Variants in XRCC4 observed in about 807,000 individuals in gnomAD.
XRCC4 encodes the protein X-ray repair cross complementing 4.
Under a neutral mutation model 39.1 loss-of-function variants are expected in XRCC4, and 28 were observed. That is an observed-to-expected ratio of 0.72 (90% CI 0.53 to 0.98). The LOEUF (loss-of-function observed/expected upper bound fraction) is 0.98, where lower values mean the gene tolerates loss of function less well. Among genes scored for constraint, XRCC4 ranks in the 50% least tolerant of loss-of-function variants. The pLI is 0.00. For missense variants in XRCC4, 350 were observed against 376.4 expected (o/e 0.93, Z 0.58); for synonymous variants, 123 against 126.4 (o/e 0.97, Z 0.18).
intron 6 of XRCC4, among the ~76,000 whole-genome samples, chr5:83,205,409 A>T (rs1340026652): frequency 6.6e-6 from 1 of 151,776 alleles, no homozygotes; most frequent in Non-Finnish European, 1.5e-5. Context: ...AGAAGGGGAA[A>T]AATGGCAGTT....
At chr5:83,173,372 C>T (rs1275232316) in intron 3 of XRCC4, among the ~76,000 whole-genome samples, 1 of 152,102 alleles carries the variant, frequency 6.6e-6, no homozygotes, top group East Asian at 1.9e-4. Context: ...AATGAATACT[C>T]TTTTATAACA....
chr5:83,359,780 C>G, the XRCC4 span, among the ~76,000 whole-genome samples: 1 of 152,084 alleles, frequency 6.6e-6, no homozygotes, highest in Admixed American at 6.6e-5. Context: ...AAGAATATTT[C>G]AGAAGACCTT....
chr5:83,235,339 A>G (rs1243690000), intron 6 of XRCC4, among the ~76,000 whole-genome samples: 1 of 150,722 alleles, frequency 6.6e-6, no homozygotes, highest in African/African-American at 2.4e-5. Context: ...TATCTCAAAA[A>G]AAAAAAAAAA....
intron 3 of XRCC4, among the ~76,000 whole-genome samples, chr5:83,189,839 C>T (rs1370800534): frequency 2.0e-5 from 3 of 152,076 alleles, no homozygotes; most frequent in Non-Finnish European, 4.4e-5. Context: ...CCAAGGCAGG[C>T]ATATCAATTT....
At chr5:83,105,933 T>G (rs1048280212) in intron 2 of XRCC4, among the ~76,000 whole-genome samples, 2 of 152,126 alleles carry the variant, frequency 1.3e-5, no homozygotes, top group Admixed American at 6.6e-5. Flanking sequence ...AAAATTTTGT[T>G]TCTTTCTTGA....
intron 7 of XRCC4, among the ~76,000 whole-genome samples, chr5:83,293,531 T>A (rs1229243746): frequency 1.3e-5 from 2 of 152,036 alleles, no homozygotes; most frequent in Non-Finnish European, 2.9e-5. Context: ...AAAAGTTACC[T>A]CTTCTAATCA....
At chr5:83,113,057 T>C (rs762220757) in intron 3 of XRCC4, among the ~76,000 whole-genome samples, 23 of 152,196 alleles carry the variant, frequency 1.5e-4, no homozygotes, top group Non-Finnish European at 2.6e-4. Context: ...AAGTCTCATC[T>C]GAGACAAGGC....
chr5:83,110,930 G>T, intron 2 of XRCC4, 98 bp from the exon 3 acceptor site: 1 of 1,150,432 alleles, frequency 8.7e-7, no homozygotes, highest in Non-Finnish European at 1.2e-6. Context: ...TTGAATTTCT[G>T]TTACATGTGA....
chr5:83,140,191 A>G (rs377145149), intron 3 of XRCC4, among the ~76,000 whole-genome samples: 1 of 152,234 alleles, frequency 6.6e-6, no homozygotes, highest in East Asian at 1.9e-4. Flanking sequence ...AAGTCCCACG[A>G]CAGGGCGTCT....
At chr5:83,325,649 T>C (rs1175856143) in intron 7 of XRCC4, among the ~76,000 whole-genome samples, 1 of 152,202 alleles carries the variant, frequency 6.6e-6, no homozygotes, top group East Asian at 1.9e-4. Flanking sequence ...CTCATTCTTT[T>C]TTGCGACTGC....
intron 3 of XRCC4, among the ~76,000 whole-genome samples, chr5:83,127,340 G>C (rs1395836489): frequency 6.6e-6 from 1 of 152,082 alleles, no homozygotes. Context: ...GGAGGGACCT[G>C]GTAGATGATA....
At chr5:83,372,489 AG>A in the XRCC4 span, among the ~76,000 whole-genome samples, 1 of 152,164 alleles carries the variant, frequency 6.6e-6, no homozygotes, top group Non-Finnish European at 1.5e-5. Flanking sequence ...GAGGTTCCCA[AG>A]CAGTAGGTCT....
At chr5:83,371,781 A>G in the XRCC4 span, among the ~76,000 whole-genome samples, 2 of 152,364 alleles carry the variant, frequency 1.3e-5, no homozygotes, top group African/African-American at 4.8e-5. Flanking sequence ...GCAGGAACAT[A>G]CACATGAAAG....
chr5:83,306,929 C>G (rs746730136), intron 7 of XRCC4, among the ~76,000 whole-genome samples: 4 of 150,724 alleles, frequency 2.7e-5, no homozygotes, highest in African/African-American at 5.0e-5. Context: ...TTTCATAACT[C>G]TCTAGAATAT....
intron 1 of XRCC4, 142 bp from the exon 2 acceptor site, chr5:83,104,768 A>G: frequency 3.3e-6 from 2 of 599,100 alleles, no homozygotes; most frequent in Non-Finnish European, 5.7e-6. Flanking sequence ...GTTGAATCTA[A>G]TGGTTGAACC....
chr5:83,360,069 A>G, the XRCC4 span, among the ~76,000 whole-genome samples: 1 of 152,200 alleles, frequency 6.6e-6, no homozygotes, highest in Non-Finnish European at 1.5e-5. Flanking sequence ...GATGGCCACC[A>G]TTGGTAGAAT....
intron 3 of XRCC4, among the ~76,000 whole-genome samples, chr5:83,144,654 C>T (rs1748364285): frequency 7.3e-6 from 1 of 136,512 alleles, no homozygotes; most frequent in Non-Finnish European, 1.5e-5. Flanking sequence ...TTTTAAAATG[C>T]TTTTCTACCT....
At chr5:83,210,306 G>A (rs1751592090) in intron 6 of XRCC4, among the ~76,000 whole-genome samples, 1 of 152,082 alleles carries the variant, frequency 6.6e-6, no homozygotes, top group African/African-American at 2.4e-5. Flanking sequence ...TTAAAAGCTT[G>A]ATTTAGTTAA....
intron 7 of XRCC4, among the ~76,000 whole-genome samples, chr5:83,284,052 C>CAAAAAAAAAAAAAAAAAAAAAAAA (rs766161565): frequency 6.2e-5 from 1 of 16,070 alleles, no homozygotes; most frequent in African/African-American, 1.8e-4. Context: ...CAACCCAGAG[C>CAAAAAAAAAAAAAAAAAAAAAAAA]AAAAAAAAAA....
Sources: gnomAD v4.1 joint callset for allele counts (sites outside exome capture counted in the v4.1 genomes callset) on GRCh38, gnomAD v4.1.1 for gene constraint, MANE v1.5 for transcripts, NCBI Gene and HGNC (gene_info 2026-07-23, HGNC 2026-07-21) for gene names.